The following CLIP1 variants were observed in gnomAD, a reference collection of about 807,000 sequenced individuals.
CLIP1 encodes the protein CAP-Gly domain-containing linker protein 1.
A neutral mutation model predicts 161.6 loss-of-function variants in CLIP1; 66 were observed. The observed-to-expected ratio is 0.41, with a 90% CI of 0.33 to 0.50. The LOEUF (loss-of-function observed/expected upper bound fraction) is 0.50, where lower values mean the gene tolerates loss of function less well. Ranked by LOEUF, CLIP1 falls within the 20% of genes least tolerant of loss-of-function variation. CLIP1 has a pLI of 0.27. For synonymous variants in CLIP1, 598 were observed against 626.2 expected, an observed-to-expected ratio of 0.96 and a Z score of 0.67; for missense variants, 1,376 against 1,702.0, an observed-to-expected ratio of 0.81 and a Z score of 3.37.
intron 20 of CLIP1, among the ~76,000 whole-genome samples, chr12:122,309,392 A>G (rs540390239): frequency 1.3e-5 from 2 of 152,326 alleles, no homozygotes; most frequent in African/African-American, 4.8e-5. Flanking sequence ...TTCAAAATCA[A>G]TTTTGATGAA....
Position 122,400,790 on chromosome 12 carries a change from CAAG to C in CLIP1, c.-106-20235_-106-20233del, listed in dbSNP as rs1275171051. On this transcript the variant is annotated intron_variant, in intron 1 of 25. Transcript: ENST00000620786. ...GTTCTCAAGTGAGTCAACAGCAAAA[CAAG>C]AATCCATAAAATTATGCAAAATGAT... 2.0e-5 allele frequency: 3 copies of C among 152,122 alleles called. No individual in the cohort carries two copies. The East Asian group carries it at 5.8e-4, about 29-fold the overall frequency. The allele number at this position is 152,122 out of a possible 1,614,324, so 9.4% of individuals were successfully genotyped here.
At chr12:122,398,015 C>T (rs1450614933) in intron 1 of CLIP1, among the ~76,000 whole-genome samples, 1 of 151,544 alleles carries the variant, frequency 6.6e-6, no homozygotes, top group Non-Finnish European at 1.5e-5. Flanking sequence ...AATAAGTGGG[C>T]TTATATGGTA....
At chr12:122,411,283 G>T (rs1956522534) in intron 1 of CLIP1, among the ~76,000 whole-genome samples, 1 of 152,154 alleles carries the variant, frequency 6.6e-6, no homozygotes, top group Non-Finnish European at 1.5e-5. Flanking sequence ...GGGTGTGGTG[G>T]CAGGCGCCTG....
chr12:122,416,535 G>A (rs1284781318), intron 1 of CLIP1, among the ~76,000 whole-genome samples: 3 of 152,090 alleles, frequency 2.0e-5, no homozygotes, highest in African/African-American at 7.2e-5. Context: ...GAGATGAGAG[G>A]ATCACTTAAG....
At position 122,378,079 on chromosome 12, in the gene CLIP1, G is replaced by C. The variant is rs1003939989; in HGVS notation, c.86-119C>G. On this transcript the variant is annotated intron_variant, in intron 2 of 25. Transcript: ENST00000620786. ...AGTAGCCCAGAACTCTTAGAAAGGT[G>C]TTTTAAAGTGTGGTTTTTTGTTCTT... is the stretch of plus-strand genomic sequence containing the variant. 4 of 856,206 alleles carry C rather than the reference G, an allele frequency of 4.7e-6. No individual in the cohort carries two copies. In the African/African-American group the frequency reaches 6.8e-5, roughly 15 times the overall value. 53.0% of individuals were successfully genotyped at this position (856,206 alleles called of 1,614,324 possible). A position where few individuals can be genotyped will look rare whatever the true frequency, so the allele number is the denominator to read the frequency against.
At chr12:122,297,350 G>A (rs11057405) in intron 20 of CLIP1, among the ~76,000 whole-genome samples, 9,786 of 152,158 alleles carry the variant, frequency 0.064, 477 homozygotes, top group Non-Finnish European at 0.099. Flanking sequence ...AAAAATCTCC[G>A]GAGAGGAGAA....
chr12:122,346,354 G>A (rs1008343998), intron 10 of CLIP1, among the ~76,000 whole-genome samples: 1 of 152,206 alleles, frequency 6.6e-6, no homozygotes, highest in Non-Finnish European at 1.5e-5. Flanking sequence ...CTGGCATGAA[G>A]TATGCACTAT....
intron 1 of CLIP1, among the ~76,000 whole-genome samples, chr12:122,384,936 A>ATTTT (rs201805064): frequency 7.3e-6 from 1 of 136,790 alleles, no homozygotes; most frequent in African/African-American, 2.7e-5. Context: ...GTTGATGGTA[A>ATTTT]TTTTTTTTTT....
At chr12:122,344,176 C>A (rs1952638006) in intron 10 of CLIP1, 1 of 152,074 alleles carries the variant, frequency 6.6e-6, no homozygotes, top group Admixed American at 6.6e-5. Flanking sequence ...GGCTGTGACA[C>A]CAATAAAGAT....
chr12:122,393,968 G>T (rs139994536), intron 1 of CLIP1, among the ~76,000 whole-genome samples: 58 of 136,398 alleles, frequency 4.3e-4, no homozygotes, highest in Middle Eastern at 4.5e-3. Context: ...ATAGGGACAT[G>T]TGACTGTTTC....
In CLIP1 at chr12:122,332,979, A is replaced by C; in HGVS notation, c.2867+8T>G. On this transcript the variant is annotated splice_region_variant and intron_variant, in intron 15 of 25. Coordinates refer to ENST00000620786, the MANE Select transcript of CLIP1 (RefSeq NM_001247997.2). ...AAGGTCAGCACTCTTTTCAACAGTC[A>C]CATATACCTTTCTTTCAGACGTAAT... 1.2e-6 allele frequency: 2 copies of C among 1,611,530 alleles called. No homozygotes were observed. Among genetic ancestry groups the C allele is most frequent in the Non-Finnish European group, 1.7e-6 (2 of 1,178,970 alleles).
intron 1 of CLIP1, among the ~76,000 whole-genome samples, chr12:122,391,622 T>G (rs930628172): frequency 1.3e-5 from 2 of 152,118 alleles, no homozygotes; most frequent in Non-Finnish European, 2.9e-5. Context: ...TAATAAGAAC[T>G]TCATGTCAGC....
chr12:122,382,616 G>T (rs960571606), intron 1 of CLIP1, among the ~76,000 whole-genome samples: 38 of 152,020 alleles, frequency 2.5e-4, no homozygotes, highest in African/African-American at 8.9e-4. Context: ...GGTGGCAGGA[G>T]AATTGGCTGA....
chr12:122,325,416 G>A (rs1951673130), intron 17 of CLIP1, among the ~76,000 whole-genome samples: 1 of 152,052 alleles, frequency 6.6e-6, no homozygotes, highest in South Asian at 2.1e-4. Context: ...CTGAGCACCT[G>A]AAATGTGGTG....
chr12:122,389,507 C>G (rs987013222), intron 1 of CLIP1, among the ~76,000 whole-genome samples: 1 of 151,950 alleles, frequency 6.6e-6, no homozygotes, highest in African/African-American at 2.4e-5. Context: ...GCCTGTAATC[C>G]CAGCACTTTG....
rs57168188 is a variant in CLIP1 at position 122,389,758 on chromosome 12, C to CAAAAAAAAAAAAAAAAA, written c.-106-9217_-106-9201dup. On this transcript the variant is annotated intron_variant, in intron 1 of 25. Coordinates refer to ENST00000620786, the MANE Select transcript of CLIP1 (RefSeq NM_001247997.2). ...AGGAGAGCAGAATGAGATCCTGTCT[C>CAAAAAAAAAAAAAAAAA]AAAAAAAAAAAAAAAAAAAAAAAAA... Among the ~76,000 whole-genome samples, 20 of 69,294 alleles carry CAAAAAAAAAAAAAAAAA rather than the reference C, an allele frequency of 2.9e-4. 3 individuals are homozygous for CAAAAAAAAAAAAAAAAA. Among genetic ancestry groups the CAAAAAAAAAAAAAAAAA allele is most frequent in the Non-Finnish European group, 4.2e-4 (16 of 38,250 alleles). 45.5% of individuals were successfully genotyped at this position (69,294 alleles called of 152,430 possible).
intron 10 of CLIP1, among the ~76,000 whole-genome samples, chr12:122,345,151 A>G (rs1952686435): frequency 1.3e-5 from 2 of 151,924 alleles, no homozygotes; most frequent in Non-Finnish European, 1.5e-5. Flanking sequence ...CTCTCAGTTA[A>G]TGAGGAAACA....
At chr12:122,352,058 C>CA (rs1953062703) in intron 8 of CLIP1, among the ~76,000 whole-genome samples, 1 of 137,424 alleles carries the variant, frequency 7.3e-6, no homozygotes, top group Non-Finnish European at 1.6e-5. Flanking sequence ...TTGTTGTGGA[C>CA]TTTTTTTTTT....
At chr12:122,363,486 G>A (rs1388381848) in intron 4 of CLIP1, among the ~76,000 whole-genome samples, 1 of 149,386 alleles carries the variant, frequency 6.7e-6, no homozygotes, top group Non-Finnish European at 1.5e-5. Flanking sequence ...ACAGACAGAG[G>A]CCCTGTCTCA....
Sources: gnomAD v4.1 joint callset for allele counts (sites outside exome capture counted in the v4.1 genomes callset) on GRCh38, gnomAD v4.1.1 for gene constraint, MANE v1.5 for transcripts, NCBI Gene and HGNC (gene_info 2026-07-23, HGNC 2026-07-21) for gene names.